RELB: variants seen among roughly 807,000 people sequenced by gnomAD.
RELB encodes the protein transcription factor RelB.
A neutral mutation model predicts 55.4 loss-of-function variants in RELB; 14 were observed. The observed-to-expected ratio is 0.25, with a 90% CI of 0.17 to 0.40. RELB has a LOEUF of 0.40. Ranked by LOEUF, RELB falls within the 10% of genes least tolerant of loss-of-function variation. The pLI is 1.00. For synonymous variants in RELB, 409 were observed against 371.3 expected, an observed-to-expected ratio of 1.10 and a Z score of -1.17; for missense variants, 669 against 830.7, an observed-to-expected ratio of 0.81 and a Z score of 2.39.
At chr19:45,004,724 G>A (rs1189272733) in intron 2 of RELB, among the ~76,000 whole-genome samples, 1 of 151,730 alleles carries the variant, frequency 6.6e-6, no homozygotes, top group Non-Finnish European at 1.5e-5. Context: ...AAAATTAGCT[G>A]GGCGTGGTGG....
chr19:45,010,112 T>TTG (rs1427262495), intron 3 of RELB, among the ~76,000 whole-genome samples: 1 of 150,444 alleles, frequency 6.6e-6, no homozygotes, highest in African/African-American at 2.4e-5. Context: ...CTAGCCTGGG[T>TTG]AACATAGTGA....
chr19:45,004,638 TA>T (rs1357129815), intron 2 of RELB, among the ~76,000 whole-genome samples: 1 of 148,888 alleles, frequency 6.7e-6, no homozygotes, highest in East Asian at 2.0e-4. Context: ...GAGGCCGAGG[TA>T]GGCTCATCAC....
intron 11 of RELB, 71 bp from the exon 12 acceptor site, chr19:45,037,334 C>G: frequency 7.0e-7 from 1 of 1,419,372 alleles, no homozygotes; most frequent in Non-Finnish European, 9.3e-7. Context: ...GGGAGTAGGG[C>G]ATTTGATTTA....
chr19:45,008,000 CAAA>C (rs57007961), intron 2 of RELB, among the ~76,000 whole-genome samples: 831 of 63,010 alleles, frequency 0.013, 12 homozygotes, highest in African/African-American at 0.045. Context: ...GCTAAAAATA[CAAA>C]AAAAAAAAAA....
intron 7 of RELB, among the ~76,000 whole-genome samples, chr19:45,028,072 C>T (rs1971578564): frequency 6.6e-6 from 1 of 151,900 alleles, no homozygotes; most frequent in Non-Finnish European, 1.5e-5. Flanking sequence ...CTTTGTAGAG[C>T]TAGAGTCTCA....
At chr19:45,010,088 C>T (rs553113850) in intron 3 of RELB, among the ~76,000 whole-genome samples, 9 of 151,962 alleles carry the variant, frequency 5.9e-5, no homozygotes, top group African/African-American at 2.2e-4. Context: ...CTGCTTGAGG[C>T]CAGGAGTTCA....
chr19:45,012,816 A>G (rs1342404293), intron 4 of RELB, among the ~76,000 whole-genome samples: 4 of 151,470 alleles, frequency 2.6e-5, no homozygotes, highest in African/African-American at 7.3e-5. Context: ...TGGGAGGTCG[A>G]GGCGAGCGGA....
intron 5 of RELB, among the ~76,000 whole-genome samples, chr19:45,024,980 C>T (rs1971539796): frequency 6.6e-6 from 1 of 152,152 alleles, no homozygotes; most frequent in Non-Finnish European, 1.5e-5. Flanking sequence ...TTGCCTCAGC[C>T]TCCCGAGTAG....
intron 4 of RELB, among the ~76,000 whole-genome samples, chr19:45,015,753 A>G (rs1411666700): frequency 2.7e-5 from 4 of 150,738 alleles, no homozygotes; most frequent in Admixed American, 6.6e-5. Context: ...AAAAGAAAAA[A>G]GAAACAACTA....
chr19:45,025,669 C>G lies in RELB; in HGVS notation c.818C>G (p.Ser273Ter). The change falls in exon 7 of 12, where the codon TCA (serine) becomes TGA (stop). Residue 273 changes from serine (S) to a stop codon, truncating the protein, a stop_gained. Transcript: ENST00000221452. LOFTEE classifies it high-confidence loss of function. ...GTGGTGAGGATCTGCTTCCAGGCCT[C>G]ATATCGGGACCAGCAGGGACAGATG... is the stretch of plus-strand genomic sequence containing the variant. ...MNVVRICFQA[S>*]YRDQQGQMRR... The G allele has an allele frequency of 6.2e-7, 1 of 1,613,978 alleles. No individual in the cohort carries two copies. The highest frequency in any genetic ancestry group is 8.5e-7 in the Non-Finnish European group (1 of 1,179,896).
intron 3 of RELB, among the ~76,000 whole-genome samples, chr19:45,011,469 T>C (rs558323017): frequency 6.6e-6 from 1 of 151,348 alleles, no homozygotes; most frequent in African/African-American, 2.4e-5. Flanking sequence ...GCCTATTATT[T>C]ATTGAGAGAC....
chr19:45,037,422 T>A lies in RELB; in HGVS notation c.1372T>A (p.Ser458Thr). ...NHGSGPFLPP[S>T]ALLPDPDFFS... ...CCCCGTAGGCCCGTTCCTCCCGCCG[T>A]CAGCCCTGCTGCCAGACCCTGACTT... Residue 458 changes from serine (S) to threonine (T), a missense_variant, in exon 12 of 12, where the codon TCA becomes ACA. Ser to Thr is a moderately conservative substitution (Grantham distance 58, BLOSUM62 1). This residue lies in a region of RELB where 341 missense variants were observed against 436.8 expected (regional missense o/e 0.78). Transcript: ENST00000221452. 1 of 1,585,984 alleles carries A rather than the reference T, an allele frequency of 6.3e-7. No individual in the cohort carries two copies. The highest frequency in any genetic ancestry group is 8.5e-7 in the Non-Finnish European group (1 of 1,171,250).
At position 45,008,381 on chromosome 19, in the gene RELB, G is replaced by A. The variant is rs1056345921; in HGVS notation, c.155-1433G>A. 7.5e-5 allele frequency: 34 copies of A among 455,616 alleles called. No individual in the cohort carries two copies. The East Asian group carries it at 1.9e-3, about 26-fold the overall frequency. The allele number at this position is 455,616 out of a possible 1,614,324, so 28.2% of individuals were successfully genotyped here. A position where few individuals can be genotyped will look rare whatever the true frequency, so the allele number is the denominator to read the frequency against. ...TGAACCCAGAGCTCCAGCCACAGCC[G>A]CCCAGGACTCAGTCTCCCCCTACAG... On this transcript the variant is annotated intron_variant, in intron 2 of 11. Transcript: ENST00000221452.
intron 4 of RELB, among the ~76,000 whole-genome samples, chr19:45,017,529 A>G (rs1971435343): frequency 6.6e-6 from 1 of 151,094 alleles, no homozygotes; most frequent in Non-Finnish European, 1.5e-5. Flanking sequence ...AGTTTTTCCT[A>G]ATCTTTTACT....
At chr19:45,025,477 T>C in intron 6 of RELB, 57 bp downstream of exon 6, 1 of 1,566,426 alleles carries the variant, frequency 6.4e-7, no homozygotes. Flanking sequence ...TTGACTTCCG[T>C]GCTCACCCTG....
intron 4 of RELB, among the ~76,000 whole-genome samples, chr19:45,017,305 C>T (rs1971430386): frequency 6.6e-6 from 1 of 151,952 alleles, no homozygotes; most frequent in Non-Finnish European, 1.5e-5. Flanking sequence ...AAAATTCTGG[C>T]TTCACTTGCT....
intron 1 of RELB, among the ~76,000 whole-genome samples, chr19:45,002,101 G>C (rs1169651084): frequency 2.7e-5 from 4 of 148,742 alleles, no homozygotes; most frequent in Non-Finnish European, 6.0e-5. Context: ...ACGCTGAGGG[G>C]TGAGGGGGCG....
At chr19:45,036,879 C>T (rs556424619) in intron 11 of RELB, among the ~76,000 whole-genome samples, 2 of 152,210 alleles carry the variant, frequency 1.3e-5, no homozygotes, top group African/African-American at 4.8e-5. Flanking sequence ...GACAGGGTCT[C>T]GTCACGTTGT....
chr19:45,018,947 G>A (rs1007158323), intron 4 of RELB, among the ~76,000 whole-genome samples: 1 of 152,034 alleles, frequency 6.6e-6, no homozygotes, highest in Non-Finnish European at 1.5e-5. Context: ...GTGAGCCACC[G>A]CGCTCGGCTG....
Sources: gnomAD v4.1 joint callset for allele counts (sites outside exome capture counted in the v4.1 genomes callset) on GRCh38, gnomAD v4.1.1 for gene constraint, gnomAD v4.1.1 regional missense constraint, MANE v1.5 for transcripts, NCBI Gene and HGNC (gene_info 2026-07-23, HGNC 2026-07-21) for gene names.